The following HSF2 variants were observed in gnomAD, a reference collection of about 807,000 sequenced individuals.
The protein encoded by HSF2 is heat shock transcription factor 2.
A neutral mutation model predicts 65.0 loss-of-function variants in HSF2; 21 were observed. The observed-to-expected ratio is 0.32, with a 90% CI of 0.23 to 0.47. The LOEUF is 0.47. Among genes scored for constraint, HSF2 ranks in the 20% least tolerant of loss-of-function variants. The probability of loss-of-function intolerance (pLI) is 1.00; values close to 1 mark genes in which losing one functional copy is unlikely to be tolerated. For missense variants in HSF2, 499 were observed against 628.1 expected, an observed-to-expected ratio of 0.79 and a Z score of 2.20; for synonymous variants, 225 against 219.1, an observed-to-expected ratio of 1.03 and a Z score of -0.24.
Position 122,421,820 on chromosome 6 carries a change from G to A in HSF2, c.682-330G>A, listed in dbSNP as rs75583552. ...GGTCGTGCTTGAAGTTTCTAGTGAA[G>A]TCCTAAGACTTTTTTACTCTTTAGG... On this transcript the variant is annotated intron_variant, in intron 7 of 12. Coordinates refer to ENST00000368455, the MANE Select transcript of HSF2 (RefSeq NM_004506.4). Among the ~76,000 whole-genome samples, 452 of 152,118 alleles carry A rather than the reference G, an allele frequency of 3.0e-3. 2 individuals carry two copies. Among genetic ancestry groups the A allele is most frequent in the African/African-American group, 0.011 (441 of 41,514 alleles).
intron 8 of HSF2, 98 bp downstream of exon 8, chr6:122,422,396 C>G (rs1774256367): frequency 1.1e-6 from 1 of 950,106 alleles, no homozygotes; most frequent in Non-Finnish European, 1.6e-6. Context: ...AAATAATAAT[C>G]TTTCTCACAT....
At chr6:122,409,591 A>C (rs1468655825) in intron 1 of HSF2, among the ~76,000 whole-genome samples, 2 of 152,082 alleles carry the variant, frequency 1.3e-5, no homozygotes, top group Non-Finnish European at 2.9e-5. Flanking sequence ...CTAGTTGCCA[A>C]TACTGGTTAT....
At chr6:122,422,034 T>G in intron 7 of HSF2, 116 bp from the exon 8 acceptor site, 1 of 691,132 alleles carries the variant, frequency 1.4e-6, no homozygotes, top group East Asian at 2.6e-5. Flanking sequence ...AACACACCTG[T>G]TTTGCATACC....
intron 5 of HSF2, among the ~76,000 whole-genome samples, chr6:122,417,798 T>G (rs1481904998): frequency 1.3e-5 from 2 of 152,182 alleles, no homozygotes; most frequent in East Asian, 1.9e-4. Context: ...TTTTAGAATA[T>G]TCCCATAACA....
At chr6:122,421,277 T>TTCAGAA (rs1774230078) in intron 7 of HSF2, among the ~76,000 whole-genome samples, 1 of 152,110 alleles carries the variant, frequency 6.6e-6, no homozygotes, top group South Asian at 2.1e-4. Context: ...TTGTTACTAC[T>TTCAGAA]TTCAAACTTC....
At chr6:122,420,460 C>G (rs944556076) in intron 7 of HSF2, among the ~76,000 whole-genome samples, 2 of 151,946 alleles carry the variant, frequency 1.3e-5, no homozygotes, top group African/African-American at 4.8e-5. Context: ...CGTCTCTTGT[C>G]TCCCCTCTTT....
At chr6:122,424,302 T>C (rs1774297056) in intron 10 of HSF2, among the ~76,000 whole-genome samples, 1 of 152,050 alleles carries the variant, frequency 6.6e-6, no homozygotes, top group Non-Finnish European at 1.5e-5. Flanking sequence ...CTTCTTTATC[T>C]AAAGCTTCCT....
intron 1 of HSF2, among the ~76,000 whole-genome samples, chr6:122,405,409 T>C (rs1303302864): frequency 6.6e-6 from 1 of 152,006 alleles, no homozygotes; most frequent in Non-Finnish European, 1.5e-5. Flanking sequence ...AGAGGGTAAG[T>C]TTAATAGAGT....
At chr6:122,421,718 A>T (rs1416524202) in intron 7 of HSF2, among the ~76,000 whole-genome samples, 4 of 152,098 alleles carry the variant, frequency 2.6e-5, no homozygotes, top group African/African-American at 9.7e-5. Context: ...AAGGTATTTA[A>T]TGAATAAGAA....
In HSF2 at chr6:122,432,272, T is replaced by C; in HGVS notation, c.*52T>C. ...ATATATTCATCAAAATGATGAACTA[T>C]TTATTTTAAAGTATCATTTGGTACT... On this transcript the variant is annotated 3_prime_UTR_variant, in exon 13 of 13. Coordinates refer to ENST00000368455, the MANE Select transcript of HSF2 (RefSeq NM_004506.4). The C allele has an allele frequency of 7.2e-7, 1 of 1,389,910 alleles. No homozygotes were observed. The highest frequency in any genetic ancestry group is 9.9e-7 in the Non-Finnish European group (1 of 1,010,112). The allele number at this position is 1,389,910 out of a possible 1,614,324, so 86.1% of individuals were successfully genotyped here. A position where few individuals can be genotyped will look rare whatever the true frequency, so the allele number is the denominator to read the frequency against.
intron 9 of HSF2, 131 bp from the exon 10 acceptor site, chr6:122,423,450 C>T: frequency 2.0e-6 from 1 of 503,812 alleles, no homozygotes; most frequent in Non-Finnish European, 3.5e-6. Context: ...AATAAGATCT[C>T]TTAAGATTAA....
chr6:122,427,587 A>T (rs1215859631), intron 10 of HSF2, among the ~76,000 whole-genome samples: 2 of 152,056 alleles, frequency 1.3e-5, no homozygotes, highest in Admixed American at 6.6e-5. Flanking sequence ...AGAGAAAAAA[A>T]ATAAAGGAAA....
At chr6:122,422,364 C>G in intron 8 of HSF2, 66 bp downstream of exon 8, 1 of 1,099,490 alleles carries the variant, frequency 9.1e-7, no homozygotes, top group Non-Finnish European at 1.3e-6. Context: ...GAGTAAAATT[C>G]AAAACTACTT....
At chr6:122,412,612 C>A in intron 2 of HSF2, 25 bp from the exon 3 acceptor site, 2 of 1,603,462 alleles carry the variant, frequency 1.2e-6, no homozygotes, top group South Asian at 2.2e-5. Context: ...TTATTTTAGT[C>A]ATTTGAATTT....
At chr6:122,426,282 C>T (rs1165454747) in intron 10 of HSF2, among the ~76,000 whole-genome samples, 1 of 152,058 alleles carries the variant, frequency 6.6e-6, no homozygotes, top group African/African-American at 2.4e-5. Context: ...AGTACCAGTA[C>T]TGGTAACCCA....
At chr6:122,406,879 G>GAA (rs201750053) in intron 1 of HSF2, among the ~76,000 whole-genome samples, 31 of 150,022 alleles carry the variant, frequency 2.1e-4, no homozygotes, top group Non-Finnish European at 1.2e-4. Flanking sequence ...TGCAGTGCTA[G>GAA]AAAAAAAAAC....
chr6:122,404,644 A>G (rs1307757370), intron 1 of HSF2, among the ~76,000 whole-genome samples: 2 of 152,288 alleles, frequency 1.3e-5, no homozygotes, highest in Non-Finnish European at 1.5e-5. Flanking sequence ...GACTCTTGCC[A>G]ACATTTGTGG....
intron 1 of HSF2, among the ~76,000 whole-genome samples, chr6:122,404,333 TAAGA>T (rs1305103803): frequency 6.6e-6 from 1 of 152,112 alleles, no homozygotes; most frequent in African/African-American, 2.4e-5. Context: ...AAAGTGAAAA[TAAGA>T]AAGACTACAA....
chr6:122,430,423 C>T (rs981837437), intron 11 of HSF2, among the ~76,000 whole-genome samples: 17 of 151,866 alleles, frequency 1.1e-4, no homozygotes, highest in African/African-American at 1.7e-4. Flanking sequence ...TTTAGAATAA[C>T]GGTGACGTCT....
Sources: gnomAD v4.1 joint callset for allele counts (sites outside exome capture counted in the v4.1 genomes callset) on GRCh38, gnomAD v4.1.1 for gene constraint, MANE v1.5 for transcripts, NCBI Gene and HGNC (gene_info 2026-07-23, HGNC 2026-07-21) for gene names.